ANAPC7: variants seen among roughly 807,000 people sequenced by gnomAD.
The protein encoded by ANAPC7 is anaphase promoting complex subunit 7.
ANAPC7 carries 25 observed loss-of-function variants against 63.3 expected under a neutral mutation model. The ratio of observed to expected loss-of-function variants is 0.39; its 90% CI spans 0.29 to 0.55. The LOEUF (loss-of-function observed/expected upper bound fraction) is 0.55, where lower values mean the gene tolerates loss of function less well. Ranked by LOEUF, ANAPC7 falls within the 20% of genes least tolerant of loss-of-function variation. ANAPC7 has a pLI of 0.57. For missense variants in ANAPC7, 516 were observed against 691.7 expected (o/e 0.75, Z 2.85); for synonymous variants, 241 against 251.7 (o/e 0.96, Z 0.40).
At chr12:110,387,703 G>A in intron 5 of ANAPC7, 36 bp downstream of exon 5, 1 of 1,580,548 alleles carries the variant, frequency 6.3e-7, no homozygotes, top group South Asian at 1.1e-5. Context: ...CAAGCAAAGG[G>A]CCTCAAGAAC....
intron 1 of ANAPC7, among the ~76,000 whole-genome samples, chr12:110,397,934 A>G (rs2137989000): frequency 6.6e-6 from 1 of 151,466 alleles, no homozygotes; most frequent in East Asian, 2.0e-4. Context: ...TGGGATAGCA[A>G]GAGGATTGGC....
In ANAPC7 at chr12:110,388,505, T is replaced by C; in HGVS notation, c.520+7A>G. On this transcript the variant is annotated splice_region_variant and intron_variant, in intron 4 of 10. Transcript: ENST00000455511. ...ATGCCATGAAAACAGGCAGGAAATATCTCTACCTAGAATGGCATCAAGGGC... is the reference window on the plus strand; with the variant it reads ...ATGCCATGAAAACAGGCAGGAAATACCTCTACCTAGAATGGCATCAAGGGC... The C allele has an allele frequency of 5.0e-6, 8 of 1,604,788 alleles. No individual in the cohort carries two copies. Among genetic ancestry groups the C allele is most frequent in the Non-Finnish European group, 6.8e-6 (8 of 1,171,760 alleles).
chr12:110,392,323 G>A (rs1883170529), intron 3 of ANAPC7, among the ~76,000 whole-genome samples: 1 of 152,086 alleles, frequency 6.6e-6, no homozygotes, highest in Admixed American at 6.6e-5. Context: ...TGAAGAAATA[G>A]CTTCAAAAAC....
At chr12:110,381,579 C>A (rs1469634294) in intron 8 of ANAPC7, among the ~76,000 whole-genome samples, 173 bp downstream of exon 8, 1 of 152,108 alleles carries the variant, frequency 6.6e-6, no homozygotes, top group Non-Finnish European at 1.5e-5. Flanking sequence ...TCATGATCTG[C>A]CCGTCTCGGC....
At chr12:110,382,514 G>T (rs142682099) in intron 7 of ANAPC7, among the ~76,000 whole-genome samples, 1,447 of 113,736 alleles carry the variant, frequency 0.013, 43 homozygotes, top group African/African-American at 0.047. Flanking sequence ...ACAGGGTCTT[G>T]CTACATTGCC....
chr12:110,383,894 A>AG (rs1566265851), intron 6 of ANAPC7, among the ~76,000 whole-genome samples: 1 of 132,022 alleles, frequency 7.6e-6, no homozygotes, highest in African/African-American at 3.2e-5. Context: ...AAAAAAAAAA[A>AG]AAAAGAAAAA....
At chr12:110,388,131 G>A (rs1303776150) in intron 4 of ANAPC7, among the ~76,000 whole-genome samples, 6 of 152,130 alleles carry the variant, frequency 3.9e-5, no homozygotes, top group Non-Finnish European at 8.8e-5. Context: ...CTGCCTCCTG[G>A]GTTCAAGCGA....
intron 3 of ANAPC7, 80 bp downstream of exon 3, chr12:110,395,021 C>T: frequency 1.3e-6 from 2 of 1,510,836 alleles, no homozygotes; most frequent in Non-Finnish European, 1.8e-6. Context: ...CACACGGACT[C>T]CTTAATGCAT....
rs1241517919 is a variant in ANAPC7, at chr12:110,388,577, C to G, written c.455G>C (p.Arg152Pro). The G allele has an allele frequency of 1.2e-6, 2 of 1,613,986 alleles. No homozygotes were observed. Among genetic ancestry groups the G allele is most frequent in the Non-Finnish European group, 1.7e-6 (2 of 1,180,036 alleles). The change falls in exon 4 of 11, where the codon CGC (arginine) becomes CCC (proline). Residue 152 changes from arginine to proline, a missense_variant. Around this residue, in one of 4 missense-constraint regions of ANAPC7, gnomAD observed 185 missense variants for 200.3 expected, o/e 0.92. Coordinates refer to ENST00000455511, the MANE Select transcript of ANAPC7 (RefSeq NM_016238.3). The stretch of plus-strand genomic sequence containing the variant: ...CTCCTTATAGCTGGTGACTGAAGGG[C>G]GCTCCTGACCAGCCTTCTTGTACAG... The part of the protein sequence containing the change: ...ANLYKKAGQE[R>P]PSVTSYKEVL...
rs185422809 is a variant in ANAPC7, at chr12:110,396,573, C to G, written c.102-121G>C. The G allele has an allele frequency of 9.5e-4, 687 of 725,970 alleles. 5 individuals carry two copies. The African/African-American group carries it at 0.011, about 12-fold the overall frequency. 45.0% of individuals were successfully genotyped at this position (725,970 alleles called of 1,614,324 possible). On this transcript the variant is annotated intron_variant, in intron 1 of 10. Transcript: ENST00000455511. ...TCACCCAGGCTGGAGTGCAGTGGCACGATCTCGGCTCACTGCAACCTCCAC... is the reference window on the plus strand; with the variant it reads ...TCACCCAGGCTGGAGTGCAGTGGCAGGATCTCGGCTCACTGCAACCTCCAC...
At chr12:110,390,846 GCTACTTGA>G (rs1371690234) in intron 3 of ANAPC7, among the ~76,000 whole-genome samples, 1 of 152,104 alleles carries the variant, frequency 6.6e-6, no homozygotes, top group East Asian at 1.9e-4. Flanking sequence ...TTTCCTTTAA[GCTACTTGA>G]CTGTCACTTT....
intron 10 of ANAPC7, 150 bp downstream of exon 10, chr12:110,375,915 AT>A: frequency 7.7e-7 from 1 of 1,306,196 alleles, no homozygotes. Context: ...GAAGTCATGA[AT>A]TCACAAATAA....
chr12:110,395,892 C>A (rs1179491731), intron 2 of ANAPC7, among the ~76,000 whole-genome samples: 1 of 152,144 alleles, frequency 6.6e-6, no homozygotes, highest in Non-Finnish European at 1.5e-5. Context: ...CGGTCCCCAA[C>A]CTTTTTGGCA....
In ANAPC7 at chr12:110,381,776, G is replaced by A. The variant is rs745656677; in HGVS notation, c.1108C>T (p.Pro370Ser). The change falls in exon 8 of 11, where the codon CCT becomes TCT. Residue 370 changes from proline (P) to serine (S), a missense_variant. Coordinates refer to ENST00000455511, the MANE Select transcript of ANAPC7 (RefSeq NM_016238.3). ...CCTTCATAACAATCTAAGCGACAAG[G>A]TGCGAGCCGTATGGCCTCCCGAAAG... ...IHFREAIRLA[P>S]CRLDCYEGLI... is the part of the protein sequence containing the mutation. 22 of 1,613,490 alleles carry A rather than the reference G, an allele frequency of 1.4e-5. No individual in the cohort carries two copies. Among genetic ancestry groups the A allele is most frequent in the Non-Finnish European group, 1.8e-5 (21 of 1,179,942 alleles).
rs992846469 is a variant in ANAPC7, at chr12:110,401,804, T to G, written c.101+1723A>C. Among the ~76,000 whole-genome samples, 6 of 151,790 alleles carry G rather than the reference T, an allele frequency of 4.0e-5. No individual in the cohort carries two copies. The South Asian group carries it at 1.2e-3, about 32-fold the overall frequency. The stretch of plus-strand genomic sequence containing the variant: ...ATCGAGACCATCGTGAAACCCTGTC[T>G]CTACTAAAAATACAAAAAAATTAGC... On this transcript the variant is annotated intron_variant, in intron 1 of 10. Coordinates refer to ENST00000455511, the MANE Select transcript of ANAPC7 (RefSeq NM_016238.3).
intron 9 of ANAPC7, 62 bp downstream of exon 9, chr12:110,377,331 C>T (rs1209538902): frequency 6.9e-7 from 1 of 1,447,830 alleles, no homozygotes; most frequent in African/African-American, 1.4e-5. Context: ...CAAGGGGCTC[C>T]AACTGAGGTC....
In ANAPC7 at chr12:110,380,558, G is replaced by C. The variant is rs563504962; in HGVS notation, c.1132+1194C>G. Reference sequence around the variant, plus strand: ...CCCAGCTACTTGGGAGGCTGAGGCAGGAGAATGGTTTGAACCCGGAAGGTG... The same window carrying C: ...CCCAGCTACTTGGGAGGCTGAGGCACGAGAATGGTTTGAACCCGGAAGGTG... On this transcript the variant is annotated intron_variant, in intron 8 of 10. Transcript: ENST00000455511. 7.9e-5 allele frequency among the ~76,000 whole-genome samples: 12 copies of C among 151,592 alleles called. No individual in the cohort carries two copies. The South Asian group carries it at 2.5e-3, about 32-fold the overall frequency.
chr12:110,382,451 A>ATATATATATAT (rs1470435018), intron 7 of ANAPC7, among the ~76,000 whole-genome samples: 18 of 69,568 alleles, frequency 2.6e-4, no homozygotes, highest in African/African-American at 6.2e-4. Flanking sequence ...TAAAAAAAAA[A>ATATATATATAT]AAAAAAAAAA....
At chr12:110,393,373 G>A (rs1442309509) in intron 3 of ANAPC7, among the ~76,000 whole-genome samples, 1 of 152,040 alleles carries the variant, frequency 6.6e-6, no homozygotes, top group Non-Finnish European at 1.5e-5. Flanking sequence ...TCTGCCTATG[G>A]AGTAGCCATT....
Sources: allele counts gnomAD v4.1 joint callset (sites outside exome capture counted in the v4.1 genomes callset), GRCh38; gene constraint gnomAD v4.1.1; regional missense constraint gnomAD v4.1.1; transcripts MANE v1.5; gene names NCBI Gene and HGNC (gene_info 2026-07-23, HGNC 2026-07-21).